SORCS3: variants seen among roughly 807,000 people sequenced by gnomAD.
SORCS3 encodes sortilin related VPS10 domain containing receptor 3, also known as VPS10 domain-containing receptor SorCS3.
SORCS3 carries 57 observed loss-of-function variants against 146.3 expected under a neutral mutation model. That is an observed-to-expected ratio of 0.39 (90% CI 0.31 to 0.49). The LOEUF is 0.49. Ranked by LOEUF, SORCS3 falls within the 20% of genes least tolerant of loss-of-function variation. SORCS3 has a pLI of 0.92. For synonymous variants in SORCS3, 653 were observed against 618.5 expected, an observed-to-expected ratio of 1.06 and a Z score of -0.83; for missense variants, 1,341 against 1,575.5, an observed-to-expected ratio of 0.85 and a Z score of 2.52.
intron 5 of SORCS3, among the ~76,000 whole-genome samples, chr10:105,087,810 G>T (rs2055673591): frequency 6.6e-6 from 1 of 152,188 alleles, no homozygotes; most frequent in African/African-American, 2.4e-5. Flanking sequence ...GCAAAGCAGT[G>T]GTCCTCAAAC....
Position 105,158,908 on chromosome 10 carries a change from A to G in SORCS3, c.1646A>G (p.His549Arg). ...VHCLLPFCSLHLHLQLSENPY... is the reference protein window; with the variant it reads ...VHCLLPFCSLRLHLQLSENPY... ...CCATTTTAGCCCTTCTGTTCCTTAC[A>G]TCTGCACCTGCAACTCTCTGAAAAT... The change falls in exon 11 of 27, where the codon CAT (histidine) becomes CGT (arginine). Residue 549 changes from histidine (H) to arginine (R), a missense_variant. Coordinates refer to ENST00000369701, the MANE Select transcript of SORCS3 (RefSeq NM_014978.3). The G allele has an allele frequency of 2.5e-6, 4 of 1,612,672 alleles. No individual in the cohort carries two copies. The highest frequency in any genetic ancestry group is 3.4e-6 in the Non-Finnish European group (4 of 1,178,936).
At chr10:105,002,953 T>C (rs983771818) in intron 4 of SORCS3, among the ~76,000 whole-genome samples, 4 of 152,218 alleles carry the variant, frequency 2.6e-5, no homozygotes, top group East Asian at 1.9e-4. Flanking sequence ...TTAAGTAATG[T>C]AATACTGACA....
chr10:104,648,542 A>G (rs1220953403), intron 1 of SORCS3, among the ~76,000 whole-genome samples: 1 of 152,114 alleles, frequency 6.6e-6, no homozygotes, highest in East Asian at 1.9e-4. Context: ...CTCTATAGTC[A>G]ACCTGCCCAC....
chr10:105,143,180 T>G (rs2056107296), intron 8 of SORCS3, among the ~76,000 whole-genome samples: 1 of 152,206 alleles, frequency 6.6e-6, no homozygotes, highest in Admixed American at 6.5e-5. Context: ...TTTATTGCTT[T>G]TCACCATTCT....
At chr10:104,913,190 C>T (rs1365481991) in intron 2 of SORCS3, among the ~76,000 whole-genome samples, 1 of 151,972 alleles carries the variant, frequency 6.6e-6, no homozygotes, top group Non-Finnish European at 1.5e-5. Context: ...GTGGACAGAT[C>T]TGGGGTAGAA....
chr10:104,655,294 G>A (rs548597099), intron 1 of SORCS3, among the ~76,000 whole-genome samples: 26 of 151,488 alleles, frequency 1.7e-4, no homozygotes, highest in Middle Eastern at 3.5e-3. Context: ...TTTTAGCTTC[G>A]GGGGTACATG....
intron 1 of SORCS3, among the ~76,000 whole-genome samples, chr10:104,837,522 G>A (rs2018085110): frequency 6.6e-6 from 1 of 152,098 alleles, no homozygotes; most frequent in Non-Finnish European, 1.5e-5. Context: ...ATCCCCCCAG[G>A]ATTATAGCCA....
intron 7 of SORCS3, among the ~76,000 whole-genome samples, chr10:105,124,819 G>A (rs2055961521): frequency 6.6e-6 from 1 of 152,074 alleles, no homozygotes; most frequent in Non-Finnish European, 1.5e-5. Context: ...AATGTTCTCG[G>A]AAGAGACGTA....
intron 8 of SORCS3, among the ~76,000 whole-genome samples, chr10:105,140,761 C>T (rs975778087): frequency 1.3e-5 from 2 of 152,104 alleles, no homozygotes; most frequent in African/African-American, 4.8e-5. Flanking sequence ...CTGATAAGGT[C>T]AGCAGAGACC....
intron 13 of SORCS3, among the ~76,000 whole-genome samples, chr10:105,171,057 T>C (rs117960465): frequency 0.012 from 1,882 of 152,266 alleles, 30 homozygotes; most frequent in Non-Finnish European, 0.017. Context: ...TATTAATATT[T>C]GAATAGGAAA....
rs940940748 is a variant in SORCS3 at position 105,080,331 on chromosome 10, A to G, written c.1029-9444A>G. Among the ~76,000 whole-genome samples, 180 of 152,156 alleles carry G rather than the reference A, an allele frequency of 1.2e-3. 1 individual carries two copies. The highest frequency in any genetic ancestry group is 2.4e-4 in the Non-Finnish European group (16 of 68,042). Reference sequence around the variant, plus strand: ...TCAATGATGTTGAGCTGTTTTTCATATGCTTGCTGGCCACATATATATCTT... The same window carrying G: ...TCAATGATGTTGAGCTGTTTTTCATGTGCTTGCTGGCCACATATATATCTT... On this transcript the variant is annotated intron_variant, in intron 5 of 26. Transcript: ENST00000369701.
intron 17 of SORCS3, among the ~76,000 whole-genome samples, chr10:105,214,124 CCT>C (rs1327097876): frequency 6.6e-6 from 1 of 152,108 alleles, no homozygotes; most frequent in Non-Finnish European, 1.5e-5. Flanking sequence ...GAGTCTGCCT[CCT>C]CTTTTGTTGT....
intron 9 of SORCS3, among the ~76,000 whole-genome samples, chr10:105,155,046 C>A (rs1014471085): frequency 2.6e-5 from 4 of 152,220 alleles, no homozygotes; most frequent in East Asian, 1.9e-4. Context: ...GGAGAAGCAT[C>A]CTCACAGCTG....
At chr10:104,734,082 G>A (rs2016740250) in intron 1 of SORCS3, among the ~76,000 whole-genome samples, 1 of 152,156 alleles carries the variant, frequency 6.6e-6, no homozygotes, top group African/African-American at 2.4e-5. Flanking sequence ...TTGTGTCTCT[G>A]TGTGTGTGAG....
intron 2 of SORCS3, among the ~76,000 whole-genome samples, chr10:104,904,383 C>A (rs541977611): frequency 6.6e-6 from 1 of 152,258 alleles, no homozygotes; most frequent in Non-Finnish European, 1.5e-5. Flanking sequence ...ATAGCAAGAG[C>A]TTTAATGATA....
intron 1 of SORCS3, among the ~76,000 whole-genome samples, chr10:104,647,626 A>G (rs1473717437): frequency 1.3e-5 from 2 of 152,190 alleles, no homozygotes; most frequent in African/African-American, 4.8e-5. Flanking sequence ...AGGGTAGTAC[A>G]TAGCTCAGTA....
At chr10:104,726,811 T>G (rs1004711288) in intron 1 of SORCS3, among the ~76,000 whole-genome samples, 2 of 152,062 alleles carry the variant, frequency 1.3e-5, no homozygotes, top group African/African-American at 4.8e-5. Context: ...CTCTGCCCTT[T>G]TTTTCCAGAG....
chr10:104,668,547 T>C (rs552609132), intron 1 of SORCS3, among the ~76,000 whole-genome samples: 1 of 152,330 alleles, frequency 6.6e-6, no homozygotes, highest in East Asian at 1.9e-4. Context: ...TTGTACCTAC[T>C]TCATAATGTT....
At chr10:105,035,751 C>A (rs1410652598) in intron 4 of SORCS3, among the ~76,000 whole-genome samples, 3 of 152,176 alleles carry the variant, frequency 2.0e-5, no homozygotes, top group Non-Finnish European at 2.9e-5. Context: ...CCAGTGTGAG[C>A]TACTGCACCC....
Sources: allele counts gnomAD v4.1 joint callset (sites outside exome capture counted in the v4.1 genomes callset), GRCh38; gene constraint gnomAD v4.1.1; transcripts MANE v1.5; gene names NCBI Gene and HGNC (gene_info 2026-07-23, HGNC 2026-07-21).